The following TTC29 variants were observed in gnomAD, a reference collection of about 807,000 sequenced individuals.
TTC29 encodes the protein tetratricopeptide repeat domain 29.
Under a neutral mutation model 58.1 loss-of-function variants are expected in TTC29, and 49 were observed. The ratio of observed to expected loss-of-function variants is 0.84; its 90% CI spans 0.67 to 1.07. The LOEUF (loss-of-function observed/expected upper bound fraction) is 1.07. Among genes scored for constraint, TTC29 ranks in the 50% least tolerant of loss-of-function variants. The probability of loss-of-function intolerance (pLI) is 0.00; values close to 1 mark genes in which losing one functional copy is unlikely to be tolerated. For synonymous variants in TTC29, 209 were observed against 196.8 expected (o/e 1.06, Z -0.52); for missense variants, 582 against 555.6 (o/e 1.05, Z -0.48).
chr4:146,713,111 C>CGTGTGTGTGTGTGTGTGTGTGTGT (rs10678715), intron 11 of TTC29, among the ~76,000 whole-genome samples: 8 of 139,544 alleles, frequency 5.7e-5, no homozygotes, highest in African/African-American at 2.2e-4. Flanking sequence ...GAGAATTGAT[C>CGTGTGTGTGTGTGTGTGTGTGTGT]GTGTGTGTGT....
At chr4:146,884,662 A>T (rs1378497453) in intron 6 of TTC29, among the ~76,000 whole-genome samples, 1 of 152,044 alleles carries the variant, frequency 6.6e-6, no homozygotes, top group Non-Finnish European at 1.5e-5. Context: ...TTTGACTATG[A>T]AGAGAAAAAA....
intron 11 of TTC29, among the ~76,000 whole-genome samples, chr4:146,745,760 C>A (rs746542141): frequency 2.6e-5 from 4 of 152,122 alleles, no homozygotes; most frequent in Non-Finnish European, 5.9e-5. Flanking sequence ...AGTCAATTGT[C>A]AATAGTGTGG....
chr4:146,753,312 C>T (rs1746167035), intron 11 of TTC29, among the ~76,000 whole-genome samples: 1 of 152,206 alleles, frequency 6.6e-6, no homozygotes, highest in Non-Finnish European at 1.5e-5. Context: ...TGCTCATCAT[C>T]ACTGGCCATC....
At chr4:146,863,440 C>G (rs934365796) in intron 8 of TTC29, among the ~76,000 whole-genome samples, 3 of 152,120 alleles carry the variant, frequency 2.0e-5, no homozygotes, top group Non-Finnish European at 1.5e-5. Context: ...CTTCAATTTG[C>G]TGAAAACATA....
intron 11 of TTC29, among the ~76,000 whole-genome samples, chr4:146,794,619 G>T (rs28712133): frequency 0.17 from 26,086 of 151,748 alleles, 3,361 homozygotes; most frequent in African/African-American, 0.35. Flanking sequence ...CCACTGATAC[G>T]TTAGTATTAG....
chr4:146,907,930 A>G (rs949742235), intron 5 of TTC29, among the ~76,000 whole-genome samples: 1 of 152,144 alleles, frequency 6.6e-6, no homozygotes, highest in African/African-American at 2.4e-5. Flanking sequence ...AACCCTTTTC[A>G]TAATATACAT....
At chr4:146,800,225 G>A (rs1160442001) in intron 11 of TTC29, among the ~76,000 whole-genome samples, 2 of 151,824 alleles carry the variant, frequency 1.3e-5, no homozygotes, top group Non-Finnish European at 2.9e-5. Context: ...GTATAAAGAT[G>A]AGAGATGATT....
intron 8 of TTC29, among the ~76,000 whole-genome samples, chr4:146,866,182 T>A (rs903454715): frequency 2.0e-5 from 3 of 152,168 alleles, no homozygotes; most frequent in African/African-American, 7.2e-5. Flanking sequence ...TTTATTGTAT[T>A]GTTTGAATTT....
intron 6 of TTC29, among the ~76,000 whole-genome samples, chr4:146,877,224 T>C (rs988169365): frequency 6.6e-6 from 1 of 151,996 alleles, no homozygotes; most frequent in African/African-American, 2.4e-5. Context: ...GTCTGGGAGG[T>C]AGGATTATGG....
intron 11 of TTC29, among the ~76,000 whole-genome samples, chr4:146,715,025 A>G (rs1319177413): frequency 6.6e-6 from 1 of 151,818 alleles, no homozygotes; most frequent in Non-Finnish European, 1.5e-5. Context: ...TCTTGTAGAG[A>G]TGGGATCTTG....
At chr4:146,850,997 A>G (rs1458847614) in intron 8 of TTC29, among the ~76,000 whole-genome samples, 1 of 152,210 alleles carries the variant, frequency 6.6e-6, no homozygotes, top group Non-Finnish European at 1.5e-5. Context: ...ATTTTCATCA[A>G]TATGCTGTAT....
intron 6 of TTC29, among the ~76,000 whole-genome samples, chr4:146,891,766 G>C (rs1314398835): frequency 6.6e-6 from 1 of 152,134 alleles, no homozygotes; most frequent in Non-Finnish European, 1.5e-5. Context: ...CGAGTGTCTT[G>C]GGACATACAA....
intron 11 of TTC29, among the ~76,000 whole-genome samples, chr4:146,728,849 A>ATATATATGTGTATATATACG (rs1744089169): frequency 1.8e-5 from 1 of 54,378 alleles, no homozygotes; most frequent in African/African-American, 5.2e-5. Context: ...ATATATATGT[A>ATATATATGTGTATATATACG]TATATATACA....
intron 11 of TTC29, among the ~76,000 whole-genome samples, chr4:146,783,817 AGACT>A (rs1248346416): frequency 2.0e-5 from 3 of 152,104 alleles, no homozygotes; most frequent in Non-Finnish European, 4.4e-5. Flanking sequence ...TTTTAAGGAT[AGACT>A]GACTAATTTA....
chr4:146,875,416 A>G (rs1030676921), intron 6 of TTC29, among the ~76,000 whole-genome samples: 4 of 152,146 alleles, frequency 2.6e-5, no homozygotes, highest in African/African-American at 9.7e-5. Flanking sequence ...GTGCTATAAC[A>G]TCCAGGAAAT....
chr4:146,920,438 A>C (rs1734503796), intron 4 of TTC29, among the ~76,000 whole-genome samples: 1 of 151,174 alleles, frequency 6.6e-6, no homozygotes. Context: ...TTTAAGAGAA[A>C]TATAACGTTT....
intron 11 of TTC29, among the ~76,000 whole-genome samples, chr4:146,722,157 G>T (rs957964461): frequency 6.6e-6 from 1 of 152,054 alleles, no homozygotes; most frequent in Non-Finnish European, 1.5e-5. Flanking sequence ...ACTGCTCAAA[G>T]AAACCATAGA....
intron 10 of TTC29, among the ~76,000 whole-genome samples, chr4:146,810,968 T>C (rs953041906): frequency 6.6e-6 from 1 of 152,208 alleles, no homozygotes; most frequent in African/African-American, 2.4e-5. Context: ...CGTTTACTGC[T>C]CTTATTTTCC....
intron 1 of TTC29, chr4:146,945,339 A>C (rs1466348417): frequency 6.6e-6 from 1 of 152,238 alleles, no homozygotes. Flanking sequence ...ATGTGACATT[A>C]GGGATAACCA....
Sources: allele counts gnomAD v4.1 joint callset (sites outside exome capture counted in the v4.1 genomes callset), GRCh38; gene constraint gnomAD v4.1.1; transcripts MANE v1.5; gene names NCBI Gene and HGNC (gene_info 2026-07-23, HGNC 2026-07-21).